The following USP50 variants were observed in gnomAD, a reference collection of about 807,000 sequenced individuals.
The protein encoded by USP50 is ubiquitin carboxyl-terminal hydrolase 50.
USP50 carries 37 observed loss-of-function variants against 39.2 expected under a neutral mutation model. That is an observed-to-expected ratio of 0.94 (90% CI 0.73 to 1.24). The LOEUF is 1.24. Ranked by LOEUF, USP50 falls within the 50% of genes most tolerant of loss-of-function variation. The pLI, the probability that USP50 is intolerant of heterozygous loss-of-function variation, is 0.00. For synonymous variants in USP50, 139 were observed against 144.5 expected, an observed-to-expected ratio of 0.96 and a Z score of 0.27; for missense variants, 374 against 398.2, an observed-to-expected ratio of 0.94 and a Z score of 0.52.
At chr15:50,514,683 C>T (rs1372779570) in intron 6 of USP50, among the ~76,000 whole-genome samples, 1 of 152,100 alleles carries the variant, frequency 6.6e-6, no homozygotes, top group Non-Finnish European at 1.5e-5. Flanking sequence ...CGCATGCCAC[C>T]ACACCCAGCT....
chr15:50,507,695 G>A (rs2141347111), intron 6 of USP50: 1 of 152,232 alleles, frequency 6.6e-6, no homozygotes, highest in Admixed American at 6.5e-5. Flanking sequence ...AAAAATATTA[G>A]TATAGATACA....
In USP50 at chr15:50,501,789, G is replaced by T. The variant is rs575596436; in HGVS notation, c.937-952C>A. ...ACCACGGCCCGTGGGTCAACTCCAG[G>T]CTGTTTTTGTAAGACCCATGCATTA... On this transcript the variant is annotated intron_variant, in intron 6 of 6. Transcript: ENST00000532404. 6 of 152,160 alleles carry T rather than the reference G, an allele frequency of 3.9e-5. No individual in the cohort carries two copies. In the South Asian group the frequency reaches 6.2e-4, roughly 16 times the overall value. 9.4% of individuals were successfully genotyped at this position (152,160 alleles called of 1,614,324 possible). A position where few individuals can be genotyped will look rare whatever the true frequency, so the allele number is the denominator to read the frequency against.
At chr15:50,531,130 G>A (rs2052937451) in intron 5 of USP50, among the ~76,000 whole-genome samples, 1 of 152,044 alleles carries the variant, frequency 6.6e-6, no homozygotes, top group African/African-American at 2.4e-5. Context: ...TACCGCGACT[G>A]AGACATTCTT....
At chr15:50,529,593 G>A (rs2052924274) in intron 6 of USP50, among the ~76,000 whole-genome samples, 1 of 152,252 alleles carries the variant, frequency 6.6e-6, no homozygotes, top group East Asian at 1.9e-4. Context: ...GCCACTGAGT[G>A]GAGAGAAAAT....
rs1330645299 is a variant in USP50, at chr15:50,535,796, T to C, written c.803+2913A>G. ...CTGGGCATGGTCCTAGCTACATACC[T>C]TTATCCCAGGTATGCAAAGCTGGTC... On this transcript the variant is annotated intron_variant, in intron 5 of 6. Transcript: ENST00000532404. Among the ~76,000 whole-genome samples, 4 of 152,198 alleles carry C rather than the reference T, an allele frequency of 2.6e-5. No homozygotes were observed. The East Asian group carries it at 7.8e-4, about 30-fold the overall frequency.
Position 50,495,215 on chromosome 15 carries a change from T to G in USP50, n.185-1085A>C, listed in dbSNP as rs148014458. Among the ~76,000 whole-genome samples the G allele has an allele frequency of 1.1e-4, 15 of 140,850 alleles. No individual in the cohort carries two copies. In the East Asian group the frequency reaches 3.0e-3, roughly 28 times the overall value. 92.4% of individuals were successfully genotyped at this position (140,850 alleles called of 152,430 possible). On this transcript the variant is annotated intron_variant and non_coding_transcript_variant, in intron 1 of 1. Coordinates refer to the USP50 transcript ENST00000560159. ...ATATATATATATATACACACACACCTACACAAAAATATTTGTGTATATATA... is the reference window on the plus strand; with the variant it reads ...ATATATATATATATACACACACACCGACACAAAAATATTTGTGTATATATA...
chr15:50,519,858 T>A (rs981730647), intron 6 of USP50, among the ~76,000 whole-genome samples: 2 of 152,198 alleles, frequency 1.3e-5, no homozygotes, highest in Non-Finnish European at 2.9e-5. Context: ...ACAACCGTTA[T>A]GGAAAACCAG....
chr15:50,501,087 G>T, intron 6 of USP50: 1 of 412,604 alleles, frequency 2.4e-6, no homozygotes, highest in Non-Finnish European at 4.5e-6. Context: ...AGCAGCATCT[G>T]ATTAATGTTT....
chr15:50,526,371 T>G (rs1463576223), intron 6 of USP50, among the ~76,000 whole-genome samples: 2 of 152,160 alleles, frequency 1.3e-5, no homozygotes, highest in Non-Finnish European at 2.9e-5. Flanking sequence ...GTATTTTATT[T>G]CTTTACCTAG....
intron 6 of USP50, chr15:50,501,111 T>G (rs2052578302): frequency 5.6e-6 from 2 of 359,666 alleles, no homozygotes; most frequent in Non-Finnish European, 1.1e-5. Flanking sequence ...AGTGAACATT[T>G]AGTTAGCACT....
intron 6 of USP50, among the ~76,000 whole-genome samples, chr15:50,520,804 T>G (rs2052843762): frequency 6.6e-6 from 1 of 152,108 alleles, no homozygotes; most frequent in South Asian, 2.1e-4. Flanking sequence ...GGTAAAGAGA[T>G]AGTTACCAGA....
At chr15:50,539,350 G>T (rs1251366374) in intron 4 of USP50, among the ~76,000 whole-genome samples, 1 of 147,974 alleles carries the variant, frequency 6.8e-6, no homozygotes, top group African/African-American at 2.5e-5. Flanking sequence ...CAGGTATTAA[G>T]CCACCACACC....
intron 4 of USP50, among the ~76,000 whole-genome samples, chr15:50,539,561 G>A (rs1049419023): frequency 1.8e-4 from 28 of 151,784 alleles, no homozygotes; most frequent in African/African-American, 6.5e-4. Context: ...GACTACAGGC[G>A]CGTGCCACCA....
chr15:50,535,630 T>A (rs1322359958), intron 5 of USP50, among the ~76,000 whole-genome samples: 1 of 152,160 alleles, frequency 6.6e-6, no homozygotes, highest in Non-Finnish European at 1.5e-5. Context: ...AATTTCAAAA[T>A]GGGCTGGGCA....
chr15:50,493,896 T>A (rs996093162), downstream of USP50: 1 of 822,618 alleles, frequency 1.2e-6, no homozygotes, highest in Non-Finnish European at 2.1e-6. Context: ...GCTGAAGGGA[T>A]GTAAGCAAGT....
chr15:50,515,614 C>T (rs189318749), intron 6 of USP50, among the ~76,000 whole-genome samples: 38 of 150,470 alleles, frequency 2.5e-4, no homozygotes, highest in African/African-American at 9.1e-4. Context: ...TTATAGGTTA[C>T]TTTCTCAATT....
At chr15:50,546,171 A>C (rs977858724) in intron 1 of USP50, among the ~76,000 whole-genome samples, 1 of 151,982 alleles carries the variant, frequency 6.6e-6, no homozygotes, top group Admixed American at 6.6e-5. Context: ...TGAGACAGTG[A>C]CCTTACCTCA....
chr15:50,502,393 G>C (rs2141339695), intron 6 of USP50: 1 of 152,398 alleles, frequency 6.6e-6, no homozygotes, highest in Admixed American at 6.5e-5. Context: ...ATTTGAGACA[G>C]AGTCTTGCTC....
Position 50,525,691 on chromosome 15 carries a change from GTATATGTATA to G in USP50, c.936+4096_936+4105del, listed in dbSNP as rs1258870881. Among the ~76,000 whole-genome samples, 20 of 110,040 alleles carry G rather than the reference GTATATGTATA, an allele frequency of 1.8e-4. No homozygotes were observed. The East Asian group carries it at 3.8e-3, about 21-fold the overall frequency. The allele number at this position is 110,040 out of a possible 152,430, so 72.2% of individuals were successfully genotyped here. A position where few individuals can be genotyped will look rare whatever the true frequency, so the allele number is the denominator to read the frequency against. ...ATATGTATATATGTATATTATATATGTATATGTATATATATGTATATATGTATATGTATAT... is the reference window on the plus strand; with the variant it reads ...ATATGTATATATGTATATTATATATGTATATGTATATATGTATATGTATAT... On this transcript the variant is annotated intron_variant, in intron 6 of 6. Transcript: ENST00000532404.
Sources: allele counts gnomAD v4.1 joint callset (sites outside exome capture counted in the v4.1 genomes callset), GRCh38; gene constraint gnomAD v4.1.1; transcripts MANE v1.5; gene names NCBI Gene and HGNC (gene_info 2026-07-23, HGNC 2026-07-21).